Variants in PPFIA4 observed in about 807,000 individuals in gnomAD.
The protein encoded by PPFIA4 is PPFI scaffold protein A4, also known as liprin-alpha-4.
Under a neutral mutation model 145.7 loss-of-function variants are expected in PPFIA4, and 98 were observed. The ratio of observed to expected loss-of-function variants is 0.67; its 90% confidence interval spans 0.57 to 0.80. The LOEUF (loss-of-function observed/expected upper bound fraction) is 0.80, where lower values mean the gene tolerates loss of function less well. PPFIA4 is among the 30% of genes least tolerant of loss of function. PPFIA4 has a pLI of 0.00. For synonymous variants in PPFIA4, 628 were observed against 649.6 expected (o/e 0.97, Z 0.51); for missense variants, 1,457 against 1,632.7 (o/e 0.89, Z 1.85).
chr1:203,063,817 C>T lies in PPFIA4; in HGVS notation c.2875-11C>T. ...TCCCCCATAATAGCCTCCTGCATCT[C>T]ATTTCCCTAGACCCTGGCCTATGGG... On this transcript the variant is annotated splice_polypyrimidine_tract_variant and intron_variant, in intron 24 of 29. Coordinates refer to ENST00000295706, the MANE Select transcript of PPFIA4 (RefSeq NM_001304331.2). 1 of 1,613,746 alleles carries T rather than the reference C, an allele frequency of 6.2e-7. No individual in the cohort carries two copies. Among genetic ancestry groups the T allele is most frequent in the South Asian group, 1.1e-5 (1 of 91,060 alleles).
Position 203,038,939 on chromosome 1 carries a change from C to A in PPFIA4, c.-70C>A. On this transcript the variant is annotated 5_prime_UTR_variant, in exon 2 of 30. Coordinates refer to ENST00000295706, the MANE Select transcript of PPFIA4 (RefSeq NM_001304331.2). ...ACTCTGAGACCCATGCACTGGGTTC[C>A]CCTGGAGGTGCCAACCCTGTGAGTC... The A allele has an allele frequency of 1.2e-6, 1 of 809,930 alleles. No individual in the cohort carries two copies. The highest frequency in any genetic ancestry group is 2.0e-6 in the Non-Finnish European group (1 of 504,500). 50.2% of individuals were successfully genotyped at this position (809,930 alleles called of 1,614,324 possible). A position where few individuals can be genotyped will look rare whatever the true frequency, so the allele number is the denominator to read the frequency against.
Position 203,056,101 on chromosome 1 carries a change from C to A in PPFIA4, c.2071-19C>A, listed in dbSNP as rs1305358271. 1.2e-6 allele frequency: 2 copies of A among 1,613,888 alleles called. No homozygotes were observed. The highest frequency in any genetic ancestry group is 2.2e-5 in the South Asian group (2 of 91,068). Reference sequence around the variant, plus strand: ...ACCCAGAGGGTGAGTCTGAGCTTACCCATCCCTCTCTCTTGCAGCCCAGTG... The same window carrying A: ...ACCCAGAGGGTGAGTCTGAGCTTACACATCCCTCTCTCTTGCAGCCCAGTG... On this transcript the variant is annotated intron_variant, in intron 16 of 29. Transcript: ENST00000295706.
Position 203,046,444 on chromosome 1 carries a change from C to T in PPFIA4, c.1140+62C>T. 4 of 1,511,578 alleles carry T rather than the reference C, an allele frequency of 2.6e-6. No homozygotes were observed. In the South Asian group the frequency reaches 5.1e-5, roughly 19 times the overall value. The allele number at this position is 1,511,578 out of a possible 1,614,324, so 93.6% of individuals were successfully genotyped here. A position where few individuals can be genotyped will look rare whatever the true frequency, so the allele number is the denominator to read the frequency against. ...CCCATGTTCTGAGCTCTCAGGGAGC[C>T]AGGCAGGGAAGGGAGCGCGTGGGAG... On this transcript the variant is annotated intron_variant, in intron 9 of 29. Coordinates refer to ENST00000295706, the MANE Select transcript of PPFIA4 (RefSeq NM_001304331.2).
intron 19 of PPFIA4, 114 bp from the exon 20 acceptor site, chr1:203,059,064 C>A: frequency 1.3e-6 from 1 of 771,742 alleles, no homozygotes; most frequent in Non-Finnish European, 2.2e-6. Context: ...TCCCGTCAGG[C>A]CATGGGTTGT....
At chr1:203,069,352 C>T (rs1377171837) in intron 27 of PPFIA4, among the ~76,000 whole-genome samples, 2 of 152,132 alleles carry the variant, frequency 1.3e-5, no homozygotes, top group African/African-American at 4.8e-5. Flanking sequence ...CCTGTCAGGC[C>T]CCTGGGGAAG....
chr1:203,033,797 C>G (rs782799), intron 1 of PPFIA4, among the ~76,000 whole-genome samples: 111,062 of 152,046 alleles, frequency 0.73, 40,988 homozygotes, highest in Non-Finnish European at 0.79. Flanking sequence ...GGCCAAAATG[C>G]TGAAATGCCA....
intron 28 of PPFIA4, among the ~76,000 whole-genome samples, chr1:203,072,221 T>C (rs181669624): frequency 5.1e-4 from 77 of 152,320 alleles, no homozygotes; most frequent in African/African-American, 1.8e-3. Flanking sequence ...GATGCCCTGC[T>C]GAGGTTGTTA....
Position 203,043,974 on chromosome 1 carries a change from G to A in PPFIA4, c.380G>A (p.Arg127Gln), listed in dbSNP as rs371170413. The change falls in exon 4 of 30, where the codon CGG (arginine) becomes CAG (glutamine). Residue 127 changes from arginine (R) to glutamine (Q), a missense_variant. Physicochemically the swap from Arg to Gln is conservative, Grantham distance 43. Transcript: ENST00000295706. This position sits in a 1 kb window ranked among gnomAD's most constrained non-coding sequence, Gnocchi z 4.4. Reference sequence around the variant, plus strand: ...GAGTGCCTGGTGTCCCGCCATGAACGGTCACTGCGGATGACTGTGGTGAAG... The same window carrying A: ...GAGTGCCTGGTGTCCCGCCATGAACAGTCACTGCGGATGACTGTGGTGAAG... The part of the protein sequence containing the change: ...HLECLVSRHE[R>Q]SLRMTVVKRQ... 1.7e-5 allele frequency: 28 copies of A among 1,611,562 alleles called. No individual in the cohort carries two copies. The highest frequency in any genetic ancestry group is 1.3e-4 in the East Asian group (6 of 44,818).
Position 203,048,744 on chromosome 1 carries a change from G to A in PPFIA4, c.1356+30G>A. On this transcript the variant is annotated intron_variant, in intron 11 of 29. Coordinates refer to ENST00000295706, the MANE Select transcript of PPFIA4 (RefSeq NM_001304331.2). The surrounding 1 kb of genome is among the most constrained non-coding windows in gnomAD (Gnocchi z 5.8). Reference sequence around the variant, plus strand: ...CCAGAGGGGCGGGGTTGGGATGCGAGAGGTTAGTGCTGGGTGTGGGGCGGG... The same window carrying A: ...CCAGAGGGGCGGGGTTGGGATGCGAAAGGTTAGTGCTGGGTGTGGGGCGGG... The A allele has an allele frequency of 6.2e-7, 1 of 1,604,310 alleles. No individual in the cohort carries two copies. Among genetic ancestry groups the A allele is most frequent in the Non-Finnish European group, 8.5e-7 (1 of 1,176,262 alleles).
intron 27 of PPFIA4, among the ~76,000 whole-genome samples, chr1:203,069,205 T>A (rs1353936304): frequency 6.6e-6 from 1 of 152,266 alleles, no homozygotes; most frequent in Non-Finnish European, 1.5e-5. Context: ...TTTATGGAGC[T>A]GTCATCTAAG....
chr1:203,057,954 C>T (rs553158381), intron 19 of PPFIA4, among the ~76,000 whole-genome samples: 1 of 152,122 alleles, frequency 6.6e-6, no homozygotes, highest in Non-Finnish European at 1.5e-5. Flanking sequence ...TATGCATATT[C>T]TGAGTTGAGA....
intron 24 of PPFIA4, among the ~76,000 whole-genome samples, chr1:203,061,893 A>G (rs942768609): frequency 6.7e-6 from 1 of 149,624 alleles, no homozygotes; most frequent in South Asian, 2.1e-4. Flanking sequence ...GCCCTGGAGG[A>G]CTGTGGCCCC....
rs1193675660 is a variant in PPFIA4 at position 203,055,902 on chromosome 1, C to A, written c.2071-218C>A. On this transcript the variant is annotated intron_variant, in intron 16 of 29. Coordinates refer to ENST00000295706, the MANE Select transcript of PPFIA4 (RefSeq NM_001304331.2). The surrounding 1 kb of genome is among the most constrained non-coding windows in gnomAD (Gnocchi z 4.8). The stretch of plus-strand genomic sequence containing the variant: ...ATGAGCCCAGACTGCTTAAGAAACT[C>A]ACCCACTGCCCTCACCTCTTCCTTT... 2.0e-5 allele frequency among the ~76,000 whole-genome samples: 3 copies of A among 152,168 alleles called. No individual in the cohort carries two copies. Among genetic ancestry groups the A allele is most frequent in the Non-Finnish European group, 1.5e-5 (1 of 68,020 alleles).
intron 19 of PPFIA4, among the ~76,000 whole-genome samples, chr1:203,057,308 G>T (rs565319887): frequency 6.6e-6 from 1 of 152,242 alleles, no homozygotes; most frequent in Admixed American, 6.5e-5. Context: ...AAATCTCTTG[G>T]TTGTTTCTTT....
rs1662463674 is a variant in PPFIA4, at chr1:203,075,541, A to G, written c.3394-36A>G. 3 of 1,365,122 alleles carry G rather than the reference A, an allele frequency of 2.2e-6. No homozygotes were observed. Among genetic ancestry groups the G allele is most frequent in the African/African-American group, 3.0e-5 (2 of 66,596 alleles). The allele number at this position is 1,365,122 out of a possible 1,614,324, so 84.6% of individuals were successfully genotyped here. ...AGGGCGTGAGGATGGCAATTCCAACAGGGCCCTCGGGCCTCTGGTGTCCCC... is the reference window on the plus strand; with the variant it reads ...AGGGCGTGAGGATGGCAATTCCAACGGGGCCCTCGGGCCTCTGGTGTCCCC... On this transcript the variant is annotated intron_variant, in intron 28 of 29. Coordinates refer to ENST00000295706, the MANE Select transcript of PPFIA4 (RefSeq NM_001304331.2). This position sits in a 1 kb window ranked among gnomAD's most constrained non-coding sequence, Gnocchi z 4.1.
At chr1:203,066,433 G>A (rs931328935) in intron 25 of PPFIA4, among the ~76,000 whole-genome samples, 2 of 152,224 alleles carry the variant, frequency 1.3e-5, no homozygotes, top group Non-Finnish European at 2.9e-5. Context: ...GTAGAGTTGG[G>A]AGGGACTTTC....
At chr1:203,074,694 T>C (rs985799194) in intron 28 of PPFIA4, among the ~76,000 whole-genome samples, 1 of 151,800 alleles carries the variant, frequency 6.6e-6, no homozygotes, top group Admixed American at 6.6e-5. Flanking sequence ...TCTGAGAACA[T>C]GGGGTGGAGG....
chr1:203,058,104 A>G (rs1205478473), intron 19 of PPFIA4, among the ~76,000 whole-genome samples: 1 of 152,106 alleles, frequency 6.6e-6, no homozygotes, highest in African/African-American at 2.4e-5. Context: ...CAGGGGAGGA[A>G]CTCATCAACT....
rs1441788242 is a variant in PPFIA4, at chr1:203,060,220, T to G, written c.2587T>G (p.Trp863Gly). 1 of 1,613,800 alleles carries G rather than the reference T, an allele frequency of 6.2e-7. No individual in the cohort carries two copies. Among genetic ancestry groups the G allele is most frequent in the South Asian group, 1.1e-5 (1 of 91,060 alleles). ...GPTVVSWLELWVGMPAWYVAA... is the reference protein window; with the variant it reads ...GPTVVSWLELGVGMPAWYVAA... ...TCCCTGTGCCCGGTGTCTGCAGCTCTGGGTGGGGATGCCTGCCTGGTATGT... is the reference window on the plus strand; with the variant it reads ...TCCCTGTGCCCGGTGTCTGCAGCTCGGGGTGGGGATGCCTGCCTGGTATGT... The change falls in exon 22 of 30, where the codon TGG becomes GGG. Residue 863 changes from tryptophan (W) to glycine (G), a missense_variant. By Grantham distance (184) the Trp-to-Gly change is radical. Transcript: ENST00000295706. The surrounding 1 kb of genome is among the most constrained non-coding windows in gnomAD (Gnocchi z 4.8).
Sources: gnomAD v4.1 joint callset for allele counts (sites outside exome capture counted in the v4.1 genomes callset) on GRCh38, gnomAD v4.1.1 for gene constraint, Gnocchi (gnomAD v3.1) non-coding constraint, MANE v1.5 for transcripts, NCBI Gene and HGNC (gene_info 2026-07-23, HGNC 2026-07-21) for gene names.